The following NLRP14 variants were observed in gnomAD, a reference collection of about 807,000 sequenced individuals.
NLRP14 encodes the protein NACHT, LRR and PYD domains-containing protein 14.
In NLRP14, 105 loss-of-function variants were observed where a neutral mutation model predicts 94.7. The observed-to-expected ratio is 1.11, with a 90% CI of 0.95 to 1.30. NLRP14 has a LOEUF of 1.30. Ranked by LOEUF, NLRP14 falls within the 50% of genes most tolerant of loss-of-function variation. The pLI is 0.00. For missense variants in NLRP14, 1,362 were observed against 1,254.1 expected, an observed-to-expected ratio of 1.09 and a Z score of -1.30; for synonymous variants, 508 against 459.9, an observed-to-expected ratio of 1.10 and a Z score of -1.34.
intron 5 of NLRP14, 72 bp from the exon 6 acceptor site, chr11:7,049,599 G>A (rs905131951): frequency 9.4e-7 from 1 of 1,061,368 alleles, no homozygotes; most frequent in Non-Finnish European, 1.5e-6. Context: ...GAATTAGATT[G>A]AAAAGAAAGG....
In NLRP14 at chr11:7,049,825, C is replaced by G. The variant is rs1345362187; in HGVS notation, c.2278C>G (p.Leu760Val). 6.2e-7 allele frequency: 1 copy of G among 1,612,206 alleles called. No individual in the cohort carries two copies. The highest frequency in any genetic ancestry group is 1.7e-5 in the Admixed American group (1 of 60,008). ...CEALKHPECKLQTLRLESCNL... is the reference protein window; with the variant it reads ...CEALKHPECKVQTLRLESCNL... ...GGCCTTGAAACACCCAGAGTGTAAA[C>G]TACAGACTCTCAGGTAAGCTTTGAA... The change falls in exon 6 of 12, where the codon CTA (leucine) becomes GTA (valine). Residue 760 changes from leucine (L) to valine (V), a missense_variant. Physicochemically the swap from Leu to Val is conservative, Grantham distance 32 (BLOSUM62 1). Transcript: ENST00000299481.
At chr11:7,048,201 G>T (rs35911793) in intron 5 of NLRP14, among the ~76,000 whole-genome samples, 1 of 152,022 alleles carries the variant, frequency 6.6e-6, no homozygotes, top group Admixed American at 6.5e-5. Context: ...TCATTCTCTT[G>T]TTAATAGACC....
chr11:7,042,912 G>T lies in NLRP14; in HGVS notation c.886G>T (p.Val296Leu). The T allele has an allele frequency of 6.2e-7, 1 of 1,614,198 alleles. No homozygotes were observed. The highest frequency in any genetic ancestry group is 1.1e-5 in the South Asian group (1 of 91,084). The change falls in exon 4 of 12, where the codon GTG (valine) becomes TTG (leucine). Residue 296 changes from valine to leucine, a missense_variant. Physicochemically the swap from Val to Leu is conservative, Grantham distance 32. Coordinates refer to ENST00000299481, the MANE Select transcript of NLRP14 (RefSeq NM_176822.4). The part of the protein sequence containing the change: ...SFLMSSLLRK[V>L]MLPEASLLVT... ...CCTCATGAGTAGTTTGCTGAGGAAA[G>T]TGATGCTCCCTGAGGCATCCTTATT...
downstream of NLRP14, among the ~76,000 whole-genome samples, chr11:7,075,346 T>C (rs973974722): frequency 6.6e-6 from 1 of 152,204 alleles, no homozygotes; most frequent in African/African-American, 2.4e-5. Context: ...TATACTATGA[T>C]TATTGTGACT....
At chr11:7,037,665 G>T (rs559958092) in intron 1 of NLRP14, among the ~76,000 whole-genome samples, 1 of 152,150 alleles carries the variant, frequency 6.6e-6, no homozygotes, top group Admixed American at 6.5e-5. Context: ...AGGGGTAAAC[G>T]CAGGGCTCAA....
At chr11:7,066,221 C>A (rs1295665694) in intron 10 of NLRP14, among the ~76,000 whole-genome samples, 2 of 152,136 alleles carry the variant, frequency 1.3e-5, no homozygotes, top group Non-Finnish European at 2.9e-5. Flanking sequence ...TGGGTGTATA[C>A]CCAGTAATGT....
chr11:7,026,147 T>A (rs1852011412), intron 1 of NLRP14, among the ~76,000 whole-genome samples: 1 of 152,100 alleles, frequency 6.6e-6, no homozygotes, highest in African/African-American at 2.4e-5. Context: ...AAGCCAAAAT[T>A]GACAAATGGG....
chr11:7,078,462 A>AAAAAAAAAAAAG, the NLRP14 span, among the ~76,000 whole-genome samples: 35 of 88,528 alleles, frequency 4.0e-4, 8 homozygotes, highest in Admixed American at 9.4e-4. Flanking sequence ...AAAAAAAAAA[A>AAAAAAAAAAAAG]CAAAAAAATT....
chr11:7,043,553 A>T lies in NLRP14; in HGVS notation c.1527A>T (p.Glu509Asp). 1 of 1,614,182 alleles carries T rather than the reference A, an allele frequency of 6.2e-7. No individual in the cohort carries two copies. The highest frequency in any genetic ancestry group is 1.1e-5 in the South Asian group (1 of 91,082). ...EAGNPSCQPF[E>D]DLKSLLQSTS... ...GGAACCCTTCCTGCCAGCCTTTTGA[A>T]GATTTGAAGTCATTACTTCAAAGCA... Residue 509 changes from glutamate to aspartate, a missense_variant, in exon 4 of 12, where the codon GAA (glutamate) becomes GAT (aspartate). Glu to Asp is a conservative substitution (Grantham distance 45). Coordinates refer to ENST00000299481, the MANE Select transcript of NLRP14 (RefSeq NM_176822.4).
chr11:7,021,716 G>T (rs1247635388), intron 1 of NLRP14, among the ~76,000 whole-genome samples: 1 of 151,740 alleles, frequency 6.6e-6, no homozygotes, highest in Non-Finnish European at 1.5e-5. Context: ...GTATACATGT[G>T]CCATGTTGGT....
At chr11:7,027,214 C>A (rs992210457) in intron 1 of NLRP14, among the ~76,000 whole-genome samples, 6 of 151,378 alleles carry the variant, frequency 4.0e-5, no homozygotes, top group Non-Finnish European at 2.9e-5. Context: ...TTCTCTAAAA[C>A]AAAACAATAA....
rs1852357974 is a variant in NLRP14, at chr11:7,046,763, T to C, written c.2054T>C (p.Leu685Pro). 3 of 1,613,544 alleles carry C rather than the reference T, an allele frequency of 1.9e-6. No homozygotes were observed. The highest frequency in any genetic ancestry group is 1.7e-5 in the Admixed American group (1 of 60,010). ...LRELDLYHSN[L>P]DKSAMNILHH... ...GAATTGGACCTGTACCATAGCAACCTTGATAAATCAGCAATGAATATCCTG... is the reference window on the plus strand; with the variant it reads ...GAATTGGACCTGTACCATAGCAACCCTGATAAATCAGCAATGAATATCCTG... The change falls in exon 5 of 12, where the codon CTT (leucine) becomes CCT (proline). Residue 685 changes from leucine to proline, a missense_variant. Transcript: ENST00000299481.
At chr11:7,087,577 A>G in the NLRP14 span, among the ~76,000 whole-genome samples, 1 of 152,212 alleles carries the variant, frequency 6.6e-6, no homozygotes, top group African/African-American at 2.4e-5. Context: ...ACATGGATAT[A>G]CACACGTAAA....
At chr11:7,034,472 C>T (rs1852135797) in intron 1 of NLRP14, among the ~76,000 whole-genome samples, 1 of 152,050 alleles carries the variant, frequency 6.6e-6, no homozygotes, top group South Asian at 2.1e-4. Flanking sequence ...CAGTTAGAAA[C>T]CAAAATTTGG....
Position 7,071,390 on chromosome 11 carries a change from C to G in NLRP14, c.*82C>G. The G allele has an allele frequency of 9.0e-7, 1 of 1,117,116 alleles. No individual in the cohort carries two copies. Among genetic ancestry groups the G allele is most frequent in the Non-Finnish European group, 1.3e-6 (1 of 758,442 alleles). 69.2% of individuals were successfully genotyped at this position (1,117,116 alleles called of 1,614,324 possible). A position where few individuals can be genotyped will look rare whatever the true frequency, so the allele number is the denominator to read the frequency against. On this transcript the variant is annotated 3_prime_UTR_variant, in exon 12 of 12. Coordinates refer to ENST00000299481, the MANE Select transcript of NLRP14 (RefSeq NM_176822.4). ...TATATACCCAGACTTGGGTGCTTAG[C>G]TTCAGATACTCTATGCCCAGAGATA...
chr11:7,044,513 G>T (rs1359703018), intron 4 of NLRP14, among the ~76,000 whole-genome samples: 2 of 152,114 alleles, frequency 1.3e-5, no homozygotes, highest in Non-Finnish European at 1.5e-5. Context: ...TTTGTGAAGG[G>T]TCTCAGCCCT....
intron 1 of NLRP14, among the ~76,000 whole-genome samples, chr11:7,024,332 G>T (rs1197270031): frequency 6.6e-6 from 1 of 152,186 alleles, no homozygotes; most frequent in African/African-American, 2.4e-5. Context: ...TACCAAGAGG[G>T]AAATCTGTAA....
chr11:7,026,663 C>T (rs1022660495), intron 1 of NLRP14, among the ~76,000 whole-genome samples: 4 of 151,766 alleles, frequency 2.6e-5, no homozygotes, highest in Non-Finnish European at 4.4e-5. Flanking sequence ...TGGGTATATA[C>T]CCAAAGGATT....
the NLRP14 span, chr11:7,089,212 A>T: frequency 1.2e-6 from 2 of 1,613,728 alleles, no homozygotes. Flanking sequence ...TTTGGCAAGT[A>T]TGGCCGCATC....
Sources: allele counts gnomAD v4.1 joint callset (sites outside exome capture counted in the v4.1 genomes callset), GRCh38; gene constraint gnomAD v4.1.1; transcripts MANE v1.5; gene names NCBI Gene and HGNC (gene_info 2026-07-23, HGNC 2026-07-21).